The following MAPK13 variants were observed in gnomAD, a reference collection of about 807,000 sequenced individuals.
MAPK13 encodes the protein MAP kinase 13.
Under a neutral mutation model 53.5 loss-of-function variants are expected in MAPK13, and 39 were observed. The observed-to-expected ratio is 0.73, with a 90% CI of 0.56 to 0.95. The LOEUF (loss-of-function observed/expected upper bound fraction) is 0.95. MAPK13 is among the 40% of genes least tolerant of loss of function. The pLI, the probability that MAPK13 is intolerant of heterozygous loss-of-function variation, is 0.00. For missense variants in MAPK13, 460 were observed against 471.8 expected (o/e 0.98, Z 0.23); for synonymous variants, 179 against 190.9 (o/e 0.94, Z 0.51).
chr6:36,141,895 CAAG>C lies in MAPK13; in HGVS notation c.*2523_*2525del, dbSNP rs1288929642. 1 of 152,260 alleles carries C rather than the reference CAAG, an allele frequency of 6.6e-6. No individual in the cohort carries two copies. The highest frequency in any genetic ancestry group is 1.5e-5 in the Non-Finnish European group (1 of 68,104). The allele number at this position is 152,260 out of a possible 1,614,324, so 9.4% of individuals were successfully genotyped here. ...CTCTCCCACAGAATGGCCCTGCTGT[CAAG>C]GAGCTGGGGAGTCCTTGACTGGGAC... is the stretch of plus-strand genomic sequence containing the variant. On this transcript the variant is annotated 3_prime_UTR_variant, in exon 12 of 12. Transcript: ENST00000211287.
At position 36,139,291 on chromosome 6, in the gene MAPK13, C is replaced by G; in HGVS notation, c.1019-3C>G. The G allele has an allele frequency of 6.2e-7, 1 of 1,613,876 alleles. No individual in the cohort carries two copies. Among genetic ancestry groups the G allele is most frequent in the Non-Finnish European group, 8.5e-7 (1 of 1,179,752 alleles). On this transcript the variant is annotated splice_region_variant and splice_polypyrimidine_tract_variant and intron_variant, in intron 11 of 11. Transcript: ENST00000211287. ...GCACCTTAAACCATGCTGCCTTTCT[C>G]AGAGCACATCTACAAGGAGATTGTG...
At chr6:36,131,938 G>A (rs1766332055) in intron 2 of MAPK13, among the ~76,000 whole-genome samples, 1 of 152,204 alleles carries the variant, frequency 6.6e-6, no homozygotes, top group Non-Finnish European at 1.5e-5. Flanking sequence ...CGGCAGCGAG[G>A]CTCCCGGTCT....
rs1308937202 is a variant in MAPK13 at position 36,142,525 on chromosome 6, T to C, written c.*3152T>C. On this transcript the variant is annotated 3_prime_UTR_variant, in exon 12 of 12. Coordinates refer to ENST00000211287, the MANE Select transcript of MAPK13 (RefSeq NM_002754.5). This position sits in a 1 kb window ranked among gnomAD's most constrained non-coding sequence, Gnocchi z 4.4. Reference sequence around the variant, plus strand: ...TTTAGTGTGTGGTTTGGCCTCCCCTTCCCATTGCCCACTGTGAGCAAATAC... The same window carrying C: ...TTTAGTGTGTGGTTTGGCCTCCCCTCCCCATTGCCCACTGTGAGCAAATAC... 1 of 152,188 alleles carries C rather than the reference T, an allele frequency of 6.6e-6. No homozygotes were observed. Among genetic ancestry groups the C allele is most frequent in the East Asian group, 1.9e-4 (1 of 5,182 alleles). The allele number at this position is 152,188 out of a possible 1,614,324, so 9.4% of individuals were successfully genotyped here. A position where few individuals can be genotyped will look rare whatever the true frequency, so the allele number is the denominator to read the frequency against.
In MAPK13 at chr6:36,141,840, A is replaced by G. The variant is rs2127488165; in HGVS notation, c.*2467A>G. ...CTCTTCACGCCAGTCTGAGACCCTTACTGCTGACTGTGTCCATGGTCTCTG... is the reference window on the plus strand; with the variant it reads ...CTCTTCACGCCAGTCTGAGACCCTTGCTGCTGACTGTGTCCATGGTCTCTG... On this transcript the variant is annotated 3_prime_UTR_variant, in exon 12 of 12. Transcript: ENST00000211287. The G allele has an allele frequency of 6.6e-6, 1 of 152,350 alleles. No individual in the cohort carries two copies. The highest frequency in any genetic ancestry group is 3.4e-3 in the Middle Eastern group (1 of 298). 9.4% of individuals were successfully genotyped at this position (152,350 alleles called of 1,614,324 possible). A position where few individuals can be genotyped will look rare whatever the true frequency, so the allele number is the denominator to read the frequency against.
Position 36,143,256 on chromosome 6 carries a change from G to C in MAPK13, c.*3883G>C, listed in dbSNP as rs1766567144. 6.6e-6 allele frequency: 1 copy of C among 152,188 alleles called. No homozygotes were observed. The highest frequency in any genetic ancestry group is 2.4e-5 in the African/African-American group (1 of 41,420). 9.4% of individuals were successfully genotyped at this position (152,188 alleles called of 1,614,324 possible). Reference sequence around the variant, plus strand: ...GGCAGGGCTTGCCTGGCGTGGATTGGGGTGGTGCTGCCCCCAGTGAGGGGC... The same window carrying C: ...GGCAGGGCTTGCCTGGCGTGGATTGCGGTGGTGCTGCCCCCAGTGAGGGGC... On this transcript the variant is annotated 3_prime_UTR_variant, in exon 12 of 12. Coordinates refer to ENST00000211287, the MANE Select transcript of MAPK13 (RefSeq NM_002754.5).
Position 36,130,792 on chromosome 6 carries a change from C to G in MAPK13, c.119+91C>G. 1.5e-6 allele frequency: 1 copy of G among 655,988 alleles called. No individual in the cohort carries two copies. Among genetic ancestry groups the G allele is most frequent in the Non-Finnish European group, 2.4e-6 (1 of 409,930 alleles). The allele number at this position is 655,988 out of a possible 1,614,324, so 40.6% of individuals were successfully genotyped here. A position where few individuals can be genotyped will look rare whatever the true frequency, so the allele number is the denominator to read the frequency against. On this transcript the variant is annotated intron_variant, in intron 1 of 11. Coordinates refer to ENST00000211287, the MANE Select transcript of MAPK13 (RefSeq NM_002754.5). The surrounding 1 kb of genome is among the most constrained non-coding windows in gnomAD (Gnocchi z 4.5). ...GCCCTGGGCTGGCCCCTCGCCAGCG[C>G]CACCTTGACCGCGGACCTCAAGGCC...
rs894636022 is a variant in MAPK13, at chr6:36,138,299, G to A, written c.683-66G>A. 4.9e-6 allele frequency: 6 copies of A among 1,213,302 alleles called. No homozygotes were observed. The East Asian group carries it at 7.1e-5, about 14-fold the overall frequency. The allele number at this position is 1,213,302 out of a possible 1,614,324, so 75.2% of individuals were successfully genotyped here. On this transcript the variant is annotated intron_variant, in intron 8 of 11. Coordinates refer to ENST00000211287, the MANE Select transcript of MAPK13 (RefSeq NM_002754.5). ...ATGGTGCCCGGGTGAAGTGATGGTG[G>A]GGTCGCAGGAAGGGCAGTCTCAGAC...
At position 36,143,464 on chromosome 6, in the gene MAPK13, C is replaced by G. The variant is rs553825878; in HGVS notation, c.*4091C>G. On this transcript the variant is annotated 3_prime_UTR_variant, in exon 12 of 12. Coordinates refer to ENST00000211287, the MANE Select transcript of MAPK13 (RefSeq NM_002754.5). ...GGATGAGGGCATGGCTCAACTTTCACTTGGCACATTGAAATAGCTTTTGCT... is the reference window on the plus strand; with the variant it reads ...GGATGAGGGCATGGCTCAACTTTCAGTTGGCACATTGAAATAGCTTTTGCT... The G allele has an allele frequency of 1.3e-5, 2 of 152,274 alleles. No homozygotes were observed. Among genetic ancestry groups the G allele is most frequent in the Non-Finnish European group, 2.9e-5 (2 of 68,104 alleles). 9.4% of individuals were successfully genotyped at this position (152,274 alleles called of 1,614,324 possible).
At position 36,136,719 on chromosome 6, in the gene MAPK13, T is replaced by C. The variant is rs1230517034; in HGVS notation, c.559T>C (p.Trp187Arg). ...GATGACTGGCTACGTGGTGACCCGC[T>C]GGTACCGAGCCCCCGAGGTGATCCT... The part of the protein sequence containing the change: ...AEMTGYVVTR[W>R]YRAPEVILSW... Residue 187 changes from tryptophan to arginine, a missense_variant, in exon 7 of 12, where the codon TGG becomes CGG. Coordinates refer to ENST00000211287, the MANE Select transcript of MAPK13 (RefSeq NM_002754.5). The C allele has an allele frequency of 6.2e-7, 1 of 1,614,070 alleles. No individual in the cohort carries two copies. The highest frequency in any genetic ancestry group is 8.5e-7 in the Non-Finnish European group (1 of 1,179,962).
intron 2 of MAPK13, 43 bp downstream of exon 2, chr6:36,131,443 G>T: frequency 6.3e-7 from 1 of 1,580,460 alleles, no homozygotes; most frequent in Non-Finnish European, 8.6e-7. Flanking sequence ...GGCTGCCCTG[G>T]GGAGTCAGGG....
rs1766546916 is a variant in MAPK13, at chr6:36,142,340, C to G, written c.*2967C>G. On this transcript the variant is annotated 3_prime_UTR_variant, in exon 12 of 12. Coordinates refer to ENST00000211287, the MANE Select transcript of MAPK13 (RefSeq NM_002754.5). This position sits in a 1 kb window ranked among gnomAD's most constrained non-coding sequence, Gnocchi z 4.4. ...CCCAGTGCACAGGTCCCGATATTGC[C>G]TCTCCCCAAGTAGGCTTGGCCTTCT... The G allele has an allele frequency of 6.6e-6, 1 of 152,362 alleles. No homozygotes were observed. The highest frequency in any genetic ancestry group is 2.4e-5 in the African/African-American group (1 of 41,452). 9.4% of individuals were successfully genotyped at this position (152,362 alleles called of 1,614,324 possible). A position where few individuals can be genotyped will look rare whatever the true frequency, so the allele number is the denominator to read the frequency against.
At position 36,138,414 on chromosome 6, in the gene MAPK13, G is replaced by C. The variant is rs527956493; in HGVS notation, c.732G>C (p.Thr244=). ...TGAAAGTGACCGGGGTGCCTGGCACGGAGTTTGTGCAGAAGCTGAACGACA... is the reference window on the plus strand; with the variant it reads ...TGAAAGTGACCGGGGTGCCTGGCACCGAGTTTGTGCAGAAGCTGAACGACA... ...QILKVTGVPG[T]EFVQKLNDKA... The change falls in exon 9 of 12, where the codon ACG becomes ACC. Residue 244 remains threonine (T), a synonymous_variant. Coordinates refer to ENST00000211287, the MANE Select transcript of MAPK13 (RefSeq NM_002754.5). 1.2e-6 allele frequency: 2 copies of C among 1,614,084 alleles called. No homozygotes were observed. Among genetic ancestry groups the C allele is most frequent in the Non-Finnish European group, 1.7e-6 (2 of 1,179,976 alleles).
At chr6:36,131,519 G>A in intron 2 of MAPK13, 119 bp downstream of exon 2, 1 of 1,006,968 alleles carries the variant, frequency 9.9e-7, no homozygotes, top group Non-Finnish European at 1.4e-6. Context: ...TCCCCTGACG[G>A]TGCCTCTCGC....
rs772252452 is a variant in MAPK13, at chr6:36,130,749, C to T, written c.119+48C>T. On this transcript the variant is annotated intron_variant, in intron 1 of 11. Transcript: ENST00000211287. The surrounding 1 kb of genome is among the most constrained non-coding windows in gnomAD (Gnocchi z 4.5). ...GGGCGGGGGGCGGGCGCCAGGCTCT[C>T]CCCTTTCCGCCCAGCCCGCCCTGGG... is the stretch of plus-strand genomic sequence containing the variant. The T allele has an allele frequency of 3.2e-5, 30 of 923,942 alleles. No individual in the cohort carries two copies. Among genetic ancestry groups the T allele is most frequent in the Non-Finnish European group, 4.4e-5 (28 of 643,262 alleles). 57.2% of individuals were successfully genotyped at this position (923,942 alleles called of 1,614,324 possible). A position where few individuals can be genotyped will look rare whatever the true frequency, so the allele number is the denominator to read the frequency against.
chr6:36,138,262 T>A, intron 8 of MAPK13, 103 bp from the exon 9 acceptor site: 3 of 826,972 alleles, frequency 3.6e-6, no homozygotes, highest in Non-Finnish European at 4.1e-6. Context: ...GGAGCCTGGA[T>A]GATCAGTTGC....
intron 8 of MAPK13, among the ~76,000 whole-genome samples, chr6:36,137,469 C>A (rs184419168): frequency 1.1e-3 from 166 of 150,716 alleles, no homozygotes; most frequent in Middle Eastern, 3.6e-3. Context: ...GAGCTGAGAT[C>A]GCGCCACTGC....
At position 36,138,972 on chromosome 6, in the gene MAPK13, G is replaced by A. The variant is rs143894874; in HGVS notation, c.935G>A (p.Arg312Gln). The A allele has an allele frequency of 5.3e-5, 86 of 1,613,770 alleles. No individual in the cohort carries two copies. Among genetic ancestry groups the A allele is most frequent in the Middle Eastern group, 1.6e-4 (1 of 6,078 alleles). ...ACCCATCCCTTCTTTGAACCCTTCC[G>A]GGACCCTGAGGAAGAGACGGAGGCC... ...ALTHPFFEPF[R>Q]DPEEETEAQQ... The change falls in exon 11 of 12, where the codon CGG (arginine) becomes CAG (glutamine). Residue 312 changes from arginine (R) to glutamine (Q), a missense_variant. Coordinates refer to ENST00000211287, the MANE Select transcript of MAPK13 (RefSeq NM_002754.5).
chr6:36,136,637 T>C lies in MAPK13; in HGVS notation c.496-19T>C. On this transcript the variant is annotated intron_variant, in intron 6 of 11. Coordinates refer to ENST00000211287, the MANE Select transcript of MAPK13 (RefSeq NM_002754.5). ...CTCCCCTCAGCAAGTTCCTTTTCTA[T>C]TTATCCCCTGTGCCATAGATTCTGG... 1 of 1,612,846 alleles carries C rather than the reference T, an allele frequency of 6.2e-7. No homozygotes were observed. Among genetic ancestry groups the C allele is most frequent in the Non-Finnish European group, 8.5e-7 (1 of 1,179,296 alleles).
Position 36,136,900 on chromosome 6 carries a change from G to C in MAPK13, c.632G>C (p.Cys211Ser). ...GCAGTGGACATCTGGTCTGTGGGCT[G>C]TATCATGGCAGAGATGCTGACAGGG... ...NQTVDIWSVG[C>S]IMAEMLTGKT... is the part of the protein sequence containing the mutation. The change falls in exon 8 of 12, where the codon TGT becomes TCT. Residue 211 changes from cysteine (C) to serine (S), a missense_variant. Physicochemically the swap from Cys to Ser is moderately radical, Grantham distance 112. Coordinates refer to ENST00000211287, the MANE Select transcript of MAPK13 (RefSeq NM_002754.5). The C allele has an allele frequency of 6.2e-7, 1 of 1,614,218 alleles. No homozygotes were observed. The highest frequency in any genetic ancestry group is 1.1e-5 in the South Asian group (1 of 91,084).
Sources: gnomAD v4.1 joint callset for allele counts (sites outside exome capture counted in the v4.1 genomes callset) on GRCh38, gnomAD v4.1.1 for gene constraint, Gnocchi (gnomAD v3.1) non-coding constraint, MANE v1.5 for transcripts, NCBI Gene and HGNC (gene_info 2026-07-23, HGNC 2026-07-21) for gene names.